Variants in HSD17B12 observed in about 807,000 individuals in gnomAD.
HSD17B12 encodes the protein hydroxysteroid 17-beta dehydrogenase 12.
HSD17B12 carries 32 observed loss-of-function variants against 39.3 expected under a neutral mutation model. The observed-to-expected ratio is 0.81, with a 90% CI of 0.61 to 1.09. The LOEUF is 1.09. Among genes scored for constraint, HSD17B12 ranks in the 50% least tolerant of loss-of-function variants. The probability of loss-of-function intolerance (pLI) is 0.00; values close to 1 mark genes in which losing one functional copy is unlikely to be tolerated. For synonymous variants in HSD17B12, 150 were observed against 146.7 expected, an observed-to-expected ratio of 1.02 and a Z score of -0.16; for missense variants, 342 against 382.9, an observed-to-expected ratio of 0.89 and a Z score of 0.89.
At position 43,847,398 on chromosome 11, in the gene HSD17B12, T is replaced by G. The variant is rs559946388; in HGVS notation, c.685-7317T>G. 5.3e-5 allele frequency among the ~76,000 whole-genome samples: 8 copies of G among 152,304 alleles called. No individual in the cohort carries two copies. In the South Asian group the frequency reaches 1.7e-3, roughly 32 times the overall value. ...AGAATACTCCATTTACATTTGAACT[T>G]ATTGTCCTGAAGAAATCCTCTGGGC... On this transcript the variant is annotated intron_variant, in intron 9 of 10. Coordinates refer to ENST00000278353, the MANE Select transcript of HSD17B12 (RefSeq NM_016142.3).
rs116629403 is a variant in HSD17B12 at position 43,774,585 on chromosome 11, T to C, written c.283+20464T>C. On this transcript the variant is annotated intron_variant, in intron 3 of 10. Coordinates refer to ENST00000278353, the MANE Select transcript of HSD17B12 (RefSeq NM_016142.3). ...GAGGGTCCAACAACCCATGGACCAC[T>C]CTTTTCATTTATTTATCTTTATCAA... Among the ~76,000 whole-genome samples, 1,405 of 152,310 alleles carry C rather than the reference T, an allele frequency of 9.2e-3. 16 individuals are homozygous for C. Among genetic ancestry groups the C allele is most frequent in the African/African-American group, 0.033 (1,374 of 41,552 alleles).
At chr11:43,734,248 C>A in intron 1 of HSD17B12, 1 of 1,369,196 alleles carries the variant, frequency 7.3e-7, no homozygotes, top group Non-Finnish European at 1.0e-6. Context: ...TCATCCTGGA[C>A]TACGTGTCCT....
At chr11:43,562,867 G>T in the HSD17B12 span, among the ~76,000 whole-genome samples, 1 of 152,182 alleles carries the variant, frequency 6.6e-6, no homozygotes, top group Non-Finnish European at 1.5e-5. Flanking sequence ...CCAACTTCAG[G>T]TAAGGAGAAA....
chr11:43,616,434 A>AAAAAAAAAAAAAAAAAAAT, the HSD17B12 span, among the ~76,000 whole-genome samples: 1 of 150,188 alleles, frequency 6.7e-6, no homozygotes, highest in Non-Finnish European at 1.5e-5. Flanking sequence ...ACAAAAAAAA[A>AAAAAAAAAAAAAAAAAAAT]ACAAACAAAC....
the HSD17B12 span, among the ~76,000 whole-genome samples, chr11:43,632,034 G>A: frequency 7.2e-5 from 11 of 152,074 alleles, no homozygotes; most frequent in Admixed American, 7.2e-4. Flanking sequence ...AGGGGTAAAT[G>A]GTCCGAAACA....
intron 3 of HSD17B12, among the ~76,000 whole-genome samples, chr11:43,794,869 C>A (rs912023810): frequency 1.1e-4 from 17 of 152,150 alleles, no homozygotes; most frequent in Admixed American, 5.2e-4. Flanking sequence ...TCAACTCCTA[C>A]TCTGGAAAAA....
At chr11:43,659,748 C>T in the HSD17B12 span, among the ~76,000 whole-genome samples, 1 of 152,152 alleles carries the variant, frequency 6.6e-6, no homozygotes, top group African/African-American at 2.4e-5. Flanking sequence ...AGAACTCTTA[C>T]AACTCAGTAA....
intron 4 of HSD17B12, 57 bp downstream of exon 4, chr11:43,798,484 A>G (rs1950934929): frequency 1.8e-6 from 2 of 1,119,362 alleles, no homozygotes; most frequent in South Asian, 1.3e-5. Context: ...TGACTTTATG[A>G]CTTTGGATGT....
chr11:43,753,098 T>TC (rs1435725933), intron 2 of HSD17B12, among the ~76,000 whole-genome samples: 3 of 152,146 alleles, frequency 2.0e-5, no homozygotes, highest in Non-Finnish European at 4.4e-5. Flanking sequence ...GTGCTTTTTT[T>TC]CCTCTACTAC....
chr11:43,737,839 C>G (rs796295307), intron 1 of HSD17B12, among the ~76,000 whole-genome samples: 2 of 152,132 alleles, frequency 1.3e-5, no homozygotes, highest in African/African-American at 4.8e-5. Context: ...TTTGGGAGGC[C>G]GAGGCAGGTG....
At chr11:43,815,865 A>T (rs1951117553) in intron 5 of HSD17B12, among the ~76,000 whole-genome samples, 1 of 152,208 alleles carries the variant, frequency 6.6e-6, no homozygotes. Context: ...AATTGTAAGT[A>T]TGTTAATATA....
At chr11:43,683,861 G>A (rs926699981) in intron 1 of HSD17B12, among the ~76,000 whole-genome samples, 1 of 152,080 alleles carries the variant, frequency 6.6e-6, no homozygotes, top group Non-Finnish European at 1.5e-5. Context: ...CTTCATGTGA[G>A]TATGTTTAAT....
At chr11:43,790,985 A>G (rs1399969151) in intron 3 of HSD17B12, among the ~76,000 whole-genome samples, 3 of 151,998 alleles carry the variant, frequency 2.0e-5, no homozygotes, top group Admixed American at 6.6e-5. Flanking sequence ...CAAAAGCGGA[A>G]CTCCATCTCA....
At chr11:43,708,343 T>C (rs1950034210) in intron 1 of HSD17B12, among the ~76,000 whole-genome samples, 1 of 152,220 alleles carries the variant, frequency 6.6e-6, no homozygotes, top group African/African-American at 2.4e-5. Context: ...TATACATTTA[T>C]TGACTTTATC....
At chr11:43,825,080 A>C (rs1444663707) in intron 6 of HSD17B12, among the ~76,000 whole-genome samples, 2 of 152,178 alleles carry the variant, frequency 1.3e-5, no homozygotes, top group East Asian at 3.9e-4. Context: ...GCAGTGGGCC[A>C]AGATCGTGCC....
intron 3 of HSD17B12, among the ~76,000 whole-genome samples, chr11:43,756,707 C>T (rs1279956943): frequency 6.6e-6 from 1 of 152,196 alleles, no homozygotes; most frequent in East Asian, 1.9e-4. Context: ...CTACTCGATA[C>T]AGAAACAAGA....
chr11:43,814,072 A>ATCT (rs776779769), intron 4 of HSD17B12, among the ~76,000 whole-genome samples: 21 of 152,162 alleles, frequency 1.4e-4, no homozygotes, highest in Non-Finnish European at 2.6e-4. Flanking sequence ...TAATGTCATC[A>ATCT]TCTTCTTGCA....
the HSD17B12 span, among the ~76,000 whole-genome samples, chr11:43,583,680 TG>T: frequency 3.4e-3 from 503 of 149,138 alleles, 4 homozygotes; most frequent in African/African-American, 8.4e-3. Context: ...GAGGGCAAAG[TG>T]GGGGGGGGTG....
chr11:43,611,950 T>G, the HSD17B12 span, among the ~76,000 whole-genome samples: 1 of 152,238 alleles, frequency 6.6e-6, no homozygotes, highest in African/African-American at 2.4e-5. Context: ...TACTCTTGCT[T>G]GGACTTATAG....
Sources: allele counts gnomAD v4.1 joint callset (sites outside exome capture counted in the v4.1 genomes callset), GRCh38; gene constraint gnomAD v4.1.1; transcripts MANE v1.5; gene names NCBI Gene and HGNC (gene_info 2026-07-23, HGNC 2026-07-21).